LTBP1: variants seen among roughly 807,000 people sequenced by gnomAD.
LTBP1 encodes the protein latent-transforming growth factor beta-binding protein 1.
LTBP1 carries 129 observed loss-of-function variants against 207.6 expected under a neutral mutation model. The ratio of observed to expected loss-of-function variants is 0.62; its 90% CI spans 0.54 to 0.72. The LOEUF (loss-of-function observed/expected upper bound fraction) is 0.72, where lower values mean the gene tolerates loss of function less well. LTBP1 is among the 30% of genes least tolerant of loss of function. The pLI, the probability that LTBP1 is intolerant of heterozygous loss-of-function variation, is 0.00. For missense variants in LTBP1, 2,281 were observed against 2,217.2 expected, an observed-to-expected ratio of 1.03 and a Z score of -0.58; for synonymous variants, 963 against 833.7, an observed-to-expected ratio of 1.16 and a Z score of -2.67.
chr2:33,288,680 C>G lies in LTBP1; in HGVS notation c.3113-4480C>G, dbSNP rs183831977. Among the ~76,000 whole-genome samples, 1,109 of 151,876 alleles carry G rather than the reference C, an allele frequency of 7.3e-3. 8 individuals carry two copies. Among genetic ancestry groups the G allele is most frequent in the Non-Finnish European group, 0.012 (819 of 67,924 alleles). ...ACCATCCTGGCTAACACAGTGAAACCCCGTCTCTATTAAAAATACAAAAAA... is the reference window on the plus strand; with the variant it reads ...ACCATCCTGGCTAACACAGTGAAACGCCGTCTCTATTAAAAATACAAAAAA... On this transcript the variant is annotated intron_variant, in intron 19 of 33. Transcript: ENST00000404816.
At chr2:33,054,236 C>A (rs1201732123) in intron 3 of LTBP1, among the ~76,000 whole-genome samples, 9 of 152,196 alleles carry the variant, frequency 5.9e-5, no homozygotes, top group Non-Finnish European at 2.9e-5. Flanking sequence ...TTTTTGTACT[C>A]CTAGAATTGG....
intron 26 of LTBP1, among the ~76,000 whole-genome samples, chr2:33,348,406 C>A (rs552592269): frequency 6.6e-6 from 1 of 152,226 alleles, no homozygotes; most frequent in South Asian, 2.1e-4. Context: ...AATGAACAGG[C>A]TATAATTCAA....
At chr2:33,029,903 A>G (rs1252814386) in intron 3 of LTBP1, among the ~76,000 whole-genome samples, 3 of 152,236 alleles carry the variant, frequency 2.0e-5, no homozygotes, top group Admixed American at 2.0e-4. Flanking sequence ...CCTAAAACAT[A>G]TTCTGTTTCA....
At chr2:33,069,531 C>T (rs1376528256) in intron 3 of LTBP1, among the ~76,000 whole-genome samples, 1 of 152,170 alleles carries the variant, frequency 6.6e-6, no homozygotes, top group Non-Finnish European at 1.5e-5. Flanking sequence ...GAACAGAGGG[C>T]AGGTCAATGT....
chr2:33,125,529 G>A (rs1184053953), intron 4 of LTBP1, among the ~76,000 whole-genome samples: 1 of 152,076 alleles, frequency 6.6e-6, no homozygotes, highest in East Asian at 1.9e-4. Context: ...ATCAGTTGCT[G>A]CATAAAAAAT....
In LTBP1 at chr2:33,003,713, A is replaced by G. The variant is rs116908370; in HGVS notation, c.566-17196A>G. On this transcript the variant is annotated intron_variant, in intron 2 of 33. Coordinates refer to ENST00000404816, the MANE Select transcript of LTBP1 (RefSeq NM_206943.4). ...CATCCATTTTAACTTGGTAAGAGGC[A>G]TGAAAGTTGTAAGAATCAGAATGTC... 1.3e-4 allele frequency among the ~76,000 whole-genome samples: 20 copies of G among 152,350 alleles called. No individual in the cohort carries two copies. In the East Asian group the frequency reaches 3.7e-3, roughly 28 times the overall value.
intron 9 of LTBP1, among the ~76,000 whole-genome samples, chr2:33,230,894 G>T (rs968447261): frequency 3.9e-5 from 2 of 51,136 alleles, no homozygotes; most frequent in Non-Finnish European, 1.5e-4. Context: ...TTTTTGGCAC[G>T]TACTGTGGGC....
At chr2:33,052,563 T>C (rs983179770) in intron 3 of LTBP1, among the ~76,000 whole-genome samples, 2 of 152,204 alleles carry the variant, frequency 1.3e-5, no homozygotes, top group African/African-American at 4.8e-5. Flanking sequence ...CATATTTTGT[T>C]GGCAATAAAC....
intron 17 of LTBP1, among the ~76,000 whole-genome samples, chr2:33,275,441 T>C (rs2093405206): frequency 1.3e-5 from 2 of 151,994 alleles, no homozygotes; most frequent in African/African-American, 4.8e-5. Context: ...TCCCAGCACT[T>C]TGGGAGGCCG....
intron 5 of LTBP1, among the ~76,000 whole-genome samples, chr2:33,156,421 G>A (rs1010152027): frequency 6.6e-6 from 1 of 152,056 alleles, no homozygotes; most frequent in Admixed American, 6.6e-5. Flanking sequence ...TTCTTCCATC[G>A]CATCTGACTC....
chr2:33,146,535 A>G (rs1489037417), intron 5 of LTBP1, among the ~76,000 whole-genome samples: 1 of 152,066 alleles, frequency 6.6e-6, no homozygotes, highest in Non-Finnish European at 1.5e-5. Flanking sequence ...TGGATTCCTC[A>G]TTGATCACAT....
chr2:32,956,099 C>G (rs1269123258), intron 2 of LTBP1, among the ~76,000 whole-genome samples: 1 of 152,114 alleles, frequency 6.6e-6, no homozygotes, highest in Non-Finnish European at 1.5e-5. Context: ...ATGGAATGAT[C>G]AAGTCAGCCT....
chr2:33,015,907 C>T (rs1254098517), intron 2 of LTBP1, among the ~76,000 whole-genome samples: 2 of 152,164 alleles, frequency 1.3e-5, no homozygotes, highest in South Asian at 2.1e-4. Flanking sequence ...ATCACCCACT[C>T]ACTCACTATT....
intron 5 of LTBP1, among the ~76,000 whole-genome samples, chr2:33,169,737 A>G (rs2085251270): frequency 6.6e-6 from 1 of 152,268 alleles, no homozygotes; most frequent in Admixed American, 6.5e-5. Flanking sequence ...TAAGACAAAT[A>G]GAATCTTAAA....
intron 20 of LTBP1, 48 bp from the exon 21 acceptor site, chr2:33,300,403 T>A: frequency 6.2e-7 from 1 of 1,601,328 alleles, no homozygotes; most frequent in Non-Finnish European, 8.5e-7. Flanking sequence ...CACTGCATTC[T>A]CCTGGGTAGT....
intron 31 of LTBP1, among the ~76,000 whole-genome samples, chr2:33,382,735 C>G (rs2095230328): frequency 6.6e-6 from 1 of 152,206 alleles, no homozygotes; most frequent in African/African-American, 2.4e-5. Flanking sequence ...GTGTCCAGAC[C>G]AAGAAACTAG....
chr2:33,138,972 C>T (rs986962247), intron 5 of LTBP1, among the ~76,000 whole-genome samples: 93 of 148,736 alleles, frequency 6.3e-4, no homozygotes, highest in Non-Finnish European at 1.2e-3. Context: ...CATTCTCCTG[C>T]CTCAGCCTCC....
At chr2:33,220,354 T>A (rs1247310049) in intron 8 of LTBP1, among the ~76,000 whole-genome samples, 1 of 152,212 alleles carries the variant, frequency 6.6e-6, no homozygotes, top group Admixed American at 6.5e-5. Context: ...TCACTCAAAC[T>A]AGTTCAAACT....
intron 2 of LTBP1, among the ~76,000 whole-genome samples, chr2:32,993,549 T>G (rs1326656175): frequency 6.6e-6 from 1 of 152,190 alleles, no homozygotes; most frequent in African/African-American, 2.4e-5. Flanking sequence ...TAGAAGACTT[T>G]TAGAAAAAGC....
Sources: gnomAD v4.1 joint callset for allele counts (sites outside exome capture counted in the v4.1 genomes callset) on GRCh38, gnomAD v4.1.1 for gene constraint, MANE v1.5 for transcripts, NCBI Gene and HGNC (gene_info 2026-07-23, HGNC 2026-07-21) for gene names.